The following NPAT variants were observed in gnomAD, a reference collection of about 807,000 sequenced individuals.
The protein encoded by NPAT is nuclear protein, coactivator of histone transcription, also known as protein NPAT.
In NPAT, 52 loss-of-function variants were observed where a neutral mutation model predicts 130.7. The observed-to-expected ratio is 0.40, with a 90% confidence interval of 0.32 to 0.50. NPAT has a LOEUF of 0.50. Ranked by LOEUF, NPAT falls within the 20% of genes least tolerant of loss-of-function variation. The pLI, the probability that NPAT is intolerant of heterozygous loss-of-function variation, is 0.68. For missense variants in NPAT, 1,687 were observed against 1,662.6 expected (o/e 1.01, Z -0.26); for synonymous variants, 580 against 584.8 (o/e 0.99, Z 0.12).
At chr11:108,167,133 T>TTAAC (rs1298627332) in intron 15 of NPAT, among the ~76,000 whole-genome samples, 37 of 152,222 alleles carry the variant, frequency 2.4e-4, no homozygotes, top group Non-Finnish European at 4.4e-4. Context: ...AATTTTTCTA[T>TTAAC]TAACTCCCTG....
At chr11:108,207,229 T>C (rs952322229) in intron 1 of NPAT, among the ~76,000 whole-genome samples, 1 of 152,194 alleles carries the variant, frequency 6.6e-6, no homozygotes, top group Non-Finnish European at 1.5e-5. Context: ...GGACCTCAAA[T>C]GGGAGTAAGT....
intron 10 of NPAT, among the ~76,000 whole-genome samples, chr11:108,184,378 A>G (rs1206114535): frequency 1.3e-5 from 2 of 152,020 alleles, no homozygotes; most frequent in African/African-American, 4.8e-5. Flanking sequence ...AGGCTGAGGC[A>G]GAAGAATGGC....
chr11:108,176,355 T>C lies in NPAT; in HGVS notation c.1023A>G (p.Lys341=). ...GACTGGAAATACTTTGTGATATATT[T>C]TTATTATTCTTTGTTTTGCCTGTTA... The part of the protein sequence containing the change: ...LFDYGKTKNN[K]NISQSISSQP... Residue 341 remains lysine (K), a synonymous_variant, in exon 12 of 18, where the codon AAA becomes AAG. Coordinates refer to ENST00000278612, the MANE Select transcript of NPAT (RefSeq NM_002519.3). 6.4e-7 allele frequency: 1 copy of C among 1,551,196 alleles called. No homozygotes were observed. Among genetic ancestry groups the C allele is most frequent in the Non-Finnish European group, 8.9e-7 (1 of 1,123,532 alleles).
In NPAT at chr11:108,185,272, G is replaced by A. The variant is rs896947289; in HGVS notation, c.866C>T (p.Thr289Met). 57 of 1,612,152 alleles carry A rather than the reference G, an allele frequency of 3.5e-5. No individual in the cohort carries two copies. The highest frequency in any genetic ancestry group is 4.7e-5 in the Non-Finnish European group (55 of 1,178,998). Reference protein sequence around the residue: ...QVPKQTDNNPTEPETSIDEFL... With the variant: ...QVPKQTDNNPMEPETSIDEFL... ...TTCATCAATTGAAGTCTCTGGCTCCGTAGGGTTGTTATCTGTTTGCTTAGG... is the reference window on the plus strand; with the variant it reads ...TTCATCAATTGAAGTCTCTGGCTCCATAGGGTTGTTATCTGTTTGCTTAGG... The change falls in exon 10 of 18, where the codon ACG becomes ATG. Residue 289 changes from threonine (T) to methionine (M), a missense_variant. Thr to Met is a moderately conservative substitution (Grantham distance 81). Coordinates refer to ENST00000278612, the MANE Select transcript of NPAT (RefSeq NM_002519.3).
At chr11:108,212,644 C>A (rs879446644) in intron 1 of NPAT, among the ~76,000 whole-genome samples, 3 of 151,172 alleles carry the variant, frequency 2.0e-5, no homozygotes, top group Non-Finnish European at 2.9e-5. Flanking sequence ...ACAACAACAA[C>A]AACAAAAAAA....
intron 12 of NPAT, among the ~76,000 whole-genome samples, chr11:108,174,108 TAA>T (rs748272110): frequency 3.3e-5 from 5 of 152,164 alleles, no homozygotes; most frequent in Admixed American, 1.3e-4. Context: ...AAGGAAAAAG[TAA>T]AGAGGTTTAA....
At position 108,161,485 on chromosome 11, in the gene NPAT, T is replaced by C; in HGVS notation, c.3601A>G (p.Ile1201Val). 1.9e-6 allele frequency: 3 copies of C among 1,614,248 alleles called. No homozygotes were observed. The highest frequency in any genetic ancestry group is 2.2e-5 in the East Asian group (1 of 44,896). The change falls in exon 17 of 18, where the codon ATA becomes GTA. Residue 1201 changes from isoleucine to valine, a missense_variant. By Grantham distance (29) the Ile-to-Val change is conservative (BLOSUM62 3). Coordinates refer to ENST00000278612, the MANE Select transcript of NPAT (RefSeq NM_002519.3). ...QNGGLRSEKS[I>V]ASLQEMTKKQ... Reference sequence around the variant, plus strand: ...TTGGTCATTTCTTGCAGTGAAGCTATAGATTTCTCACTTCGCAAACCCCCA... The same window carrying C: ...TTGGTCATTTCTTGCAGTGAAGCTACAGATTTCTCACTTCGCAAACCCCCA...
intron 12 of NPAT, among the ~76,000 whole-genome samples, chr11:108,174,677 G>A (rs1276098452): frequency 6.7e-6 from 1 of 149,540 alleles, no homozygotes; most frequent in African/African-American, 2.5e-5. Flanking sequence ...GCAGCGGTGC[G>A]ATTCTCAGCT....
intron 15 of NPAT, among the ~76,000 whole-genome samples, chr11:108,165,452 T>A (rs1360079560): frequency 1.5e-5 from 2 of 133,918 alleles, no homozygotes; most frequent in Non-Finnish European, 3.1e-5. Context: ...ACATATGTAT[T>A]TATATATATA....
chr11:108,159,844 C>G, intron 17 of NPAT, among the ~76,000 whole-genome samples: 1 of 149,450 alleles, frequency 6.7e-6, no homozygotes, highest in Non-Finnish European at 1.5e-5. Flanking sequence ...AAGACTGTCT[C>G]TATAAAAAAA....
chr11:108,161,720 A>C lies in NPAT; in HGVS notation c.3366T>G (p.Pro1122=). The C allele has an allele frequency of 1.2e-6, 2 of 1,613,780 alleles. No individual in the cohort carries two copies. Among genetic ancestry groups the C allele is most frequent in the Non-Finnish European group, 1.7e-6 (2 of 1,180,024 alleles). ...NNAIKREKEK[P]PLPKILSKSE... is the part of the protein sequence containing the mutation. ...ATTTAGATAAAATCTTAGGCAGAGG[A>C]GGCTTCTCTTTCTCTCTTTTGATAG... Residue 1122 remains proline, a synonymous_variant, in exon 17 of 18, where the codon CCT becomes CCG. Transcript: ENST00000278612.
intron 2 of NPAT, among the ~76,000 whole-genome samples, chr11:108,194,981 G>A (rs4027718): frequency 0.53 from 80,011 of 151,918 alleles, 21,904 homozygotes; most frequent in Middle Eastern, 0.73. Context: ...ACGCCATCAT[G>A]CCCAGCTAAT....
At chr11:108,202,904 G>A (rs374248509) in intron 1 of NPAT, among the ~76,000 whole-genome samples, 11 of 152,148 alleles carry the variant, frequency 7.2e-5, no homozygotes, top group African/African-American at 2.7e-4. Flanking sequence ...GTAATTATTC[G>A]TTTTGCACTT....
Position 108,199,234 on chromosome 11 carries a change from G to A in NPAT, c.38-1814C>T, listed in dbSNP as rs151022880. 7.3e-3 allele frequency among the ~76,000 whole-genome samples: 1,113 copies of A among 152,300 alleles called. 17 individuals are homozygous for A. Among genetic ancestry groups the A allele is most frequent in the African/African-American group, 0.024 (978 of 41,552 alleles). ...TGCTGGTATCTCCAAGTTTTTGGGC[G>A]CTGCTGTGTCACCCTCACCCAGACG... On this transcript the variant is annotated intron_variant, in intron 1 of 17. Transcript: ENST00000278612.
rs763937796 is a variant in NPAT at position 108,160,872 on chromosome 11, A to C, written c.4206+8T>G. On this transcript the variant is annotated splice_region_variant and intron_variant, in intron 17 of 17. Transcript: ENST00000278612. ...GTGTGGTTTTGAAATTAAAACTTTC[A>C]AACTTGCCTTAATTTTCTTCTTTTT... 1.2e-6 allele frequency: 2 copies of C among 1,609,168 alleles called. No homozygotes were observed. The highest frequency in any genetic ancestry group is 8.5e-7 in the Non-Finnish European group (1 of 1,177,366).
Position 108,184,457 on chromosome 11 carries a change from G to T in NPAT, c.906+775C>A, listed in dbSNP as rs191660931. Among the ~76,000 whole-genome samples the T allele has an allele frequency of 2.1e-5, 3 of 141,272 alleles. No individual in the cohort carries two copies. The Admixed American group carries it at 2.3e-4, about 11-fold the overall frequency. The allele number at this position is 141,272 out of a possible 152,430, so 92.7% of individuals were successfully genotyped here. A position where few individuals can be genotyped will look rare whatever the true frequency, so the allele number is the denominator to read the frequency against. ...ACTGCACTCCAGCCTGGGCGACAAA[G>T]TGAGACTCCATCTCAAAAAAAAAAA... On this transcript the variant is annotated intron_variant, in intron 10 of 17. Coordinates refer to ENST00000278612, the MANE Select transcript of NPAT (RefSeq NM_002519.3).
chr11:108,217,450 TA>T (rs1385904435), intron 1 of NPAT, among the ~76,000 whole-genome samples: 1 of 152,210 alleles, frequency 6.6e-6, no homozygotes, highest in Admixed American at 6.5e-5. Context: ...AATTCTTGTA[TA>T]TATCAGTTAG....
At chr11:108,188,548 A>T (rs1219505551) in intron 6 of NPAT, among the ~76,000 whole-genome samples, 1 of 152,206 alleles carries the variant, frequency 6.6e-6, no homozygotes, top group Non-Finnish European at 1.5e-5. Flanking sequence ...TTGGTTTGTG[A>T]ACTGAGAGTG....
intron 1 of NPAT, among the ~76,000 whole-genome samples, chr11:108,210,831 A>G (rs900979797): frequency 3.3e-5 from 5 of 152,376 alleles, no homozygotes; most frequent in South Asian, 2.1e-4. Context: ...AAATAGTAGG[A>G]GAGGACTTCT....
Sources: allele counts gnomAD v4.1 joint callset (sites outside exome capture counted in the v4.1 genomes callset), GRCh38; gene constraint gnomAD v4.1.1; transcripts MANE v1.5; gene names NCBI Gene and HGNC (gene_info 2026-07-23, HGNC 2026-07-21).